ACSBG1: variants seen among roughly 807,000 people sequenced by gnomAD.
ACSBG1 encodes long-chain-fatty-acid--CoA ligase ACSBG1.
In ACSBG1, 39 loss-of-function variants were observed where a neutral mutation model predicts 80.2. That is an observed-to-expected ratio of 0.49 (90% CI 0.38 to 0.64). The LOEUF is 0.64. Among genes scored for constraint, ACSBG1 ranks in the 30% least tolerant of loss-of-function variants. ACSBG1 has a pLI of 0.00. For missense variants in ACSBG1, 828 were observed against 966.4 expected, an observed-to-expected ratio of 0.86 and a Z score of 1.90; for synonymous variants, 392 against 379.5, an observed-to-expected ratio of 1.03 and a Z score of -0.38.
intron 1 of ACSBG1, among the ~76,000 whole-genome samples, chr15:78,233,829 G>A (rs1350686699): frequency 1.3e-5 from 2 of 152,236 alleles, no homozygotes; most frequent in Admixed American, 1.3e-4. Flanking sequence ...ATTGGTGAAT[G>A]CCTGATACGT....
At chr15:78,184,588 G>C (rs936353431) in intron 5 of ACSBG1, among the ~76,000 whole-genome samples, 1 of 152,106 alleles carries the variant, frequency 6.6e-6, no homozygotes, top group Non-Finnish European at 1.5e-5. Context: ...TAAAATAAAA[G>C]AAATACAAGA....
At chr15:78,211,351 G>A (rs1009708779) in intron 1 of ACSBG1, among the ~76,000 whole-genome samples, 3 of 152,252 alleles carry the variant, frequency 2.0e-5, no homozygotes, top group African/African-American at 7.2e-5. Context: ...CAATACTCCA[G>A]AGGTTGGCGG....
chr15:78,188,063 C>A (rs1474946298), intron 5 of ACSBG1, among the ~76,000 whole-genome samples: 1 of 152,188 alleles, frequency 6.6e-6, no homozygotes, highest in African/African-American at 2.4e-5. Context: ...CATGCGTGAA[C>A]TCCCATTCAC....
At chr15:78,214,166 C>T (rs899671347) in intron 1 of ACSBG1, among the ~76,000 whole-genome samples, 3 of 152,206 alleles carry the variant, frequency 2.0e-5, no homozygotes, top group Non-Finnish European at 4.4e-5. Flanking sequence ...TCTACCTCCT[C>T]CTTCACTACA....
At chr15:78,181,897 AG>A (rs2074949037) in intron 8 of ACSBG1, 71 bp downstream of exon 8, 15 of 1,545,142 alleles carry the variant, frequency 9.7e-6, no homozygotes, top group Non-Finnish European at 1.2e-5. Context: ...AAATGCACTC[AG>A]GGCCCACAGA....
intron 1 of ACSBG1, among the ~76,000 whole-genome samples, chr15:78,227,954 G>GGTA (rs2075417118): frequency 6.6e-6 from 1 of 152,172 alleles, no homozygotes; most frequent in South Asian, 2.1e-4. Context: ...TCAGAACAGT[G>GGTA]GTTACTTATG....
chr15:78,191,195 T>C (rs979014998), intron 5 of ACSBG1, among the ~76,000 whole-genome samples: 1 of 152,216 alleles, frequency 6.6e-6, no homozygotes, highest in African/African-American at 2.4e-5. Context: ...CAAGGGTTAA[T>C]TTATCAAGAA....
chr15:78,194,144 T>C (rs1027512858), intron 3 of ACSBG1, 124 bp from the exon 4 acceptor site: 11 of 903,988 alleles, frequency 1.2e-5, no homozygotes, highest in Middle Eastern at 6.0e-4. Context: ...GTCCCCTCAG[T>C]CAGAGAATCC....
intron 1 of ACSBG1, among the ~76,000 whole-genome samples, chr15:78,229,258 A>G (rs568333778): frequency 3.1e-4 from 47 of 152,390 alleles, no homozygotes; most frequent in African/African-American, 1.1e-3. Context: ...AATTTTGAAT[A>G]AATGAATGCA....
rs543748491 is a variant in ACSBG1 at position 78,198,345 on chromosome 15, T to A, written c.233-3619A>T. On this transcript the variant is annotated intron_variant, in intron 2 of 13. Coordinates refer to ENST00000258873, the MANE Select transcript of ACSBG1 (RefSeq NM_015162.5). Reference sequence around the variant, plus strand: ...CGTGAGCCACCGTGCCCAGCCACTATAATCTCTTTTTTTGTTTTTGAGACA... The same window carrying A: ...CGTGAGCCACCGTGCCCAGCCACTAAAATCTCTTTTTTTGTTTTTGAGACA... Among the ~76,000 whole-genome samples, 4 of 137,554 alleles carry A rather than the reference T, an allele frequency of 2.9e-5. No individual in the cohort carries two copies. In the South Asian group the frequency reaches 9.4e-4, roughly 32 times the overall value. The allele number at this position is 137,554 out of a possible 152,430, so 90.2% of individuals were successfully genotyped here.
intron 5 of ACSBG1, 99 bp from the exon 6 acceptor site, chr15:78,182,884 C>A: frequency 7.6e-7 from 1 of 1,313,718 alleles, no homozygotes; most frequent in South Asian, 1.2e-5. Flanking sequence ...GTAAAGGTCT[C>A]TGGGTGCCCC....
intron 1 of ACSBG1, chr15:78,213,960 G>A (rs1421436628): frequency 6.6e-6 from 1 of 152,192 alleles, no homozygotes; most frequent in African/African-American, 2.4e-5. Flanking sequence ...AAAAGACAGA[G>A]CCAGCATTGT....
chr15:78,234,511 G>T lies in ACSBG1; in HGVS notation c.-10C>A. 1 of 1,608,650 alleles carries T rather than the reference G, an allele frequency of 6.2e-7. No homozygotes were observed. On this transcript the variant is annotated 5_prime_UTR_variant, in exon 1 of 14. Transcript: ENST00000258873. Reference sequence around the variant, plus strand: ...CAGAATTGCGTGGCATCTGCCTCGGGCTTCCACTGAAGACAGCTCAGTCAC... The same window carrying T: ...CAGAATTGCGTGGCATCTGCCTCGGTCTTCCACTGAAGACAGCTCAGTCAC...
intron 11 of ACSBG1, among the ~76,000 whole-genome samples, chr15:78,176,522 T>A (rs2074883958): frequency 6.6e-6 from 1 of 151,748 alleles, no homozygotes; most frequent in Non-Finnish European, 1.5e-5. Context: ...AGAAAAAAAA[T>A]TTTGCGGCAA....
At chr15:78,201,416 T>C (rs2141358739) in intron 2 of ACSBG1, among the ~76,000 whole-genome samples, 1 of 152,290 alleles carries the variant, frequency 6.6e-6, no homozygotes, top group African/African-American at 2.4e-5. Flanking sequence ...AGAGACAGGC[T>C]CACAGAGCGG....
chr15:78,233,273 G>T (rs1234873648), intron 1 of ACSBG1, among the ~76,000 whole-genome samples: 1 of 152,182 alleles, frequency 6.6e-6, no homozygotes, highest in Non-Finnish European at 1.5e-5. Context: ...GGGTTCTCTG[G>T]AGACCCAGGG....
At chr15:78,180,110 GTATT>G (rs2074926657) in intron 9 of ACSBG1, among the ~76,000 whole-genome samples, 3 of 152,312 alleles carry the variant, frequency 2.0e-5, no homozygotes, top group Admixed American at 6.5e-5. Flanking sequence ...CTTGAAGTAT[GTATT>G]CATGTATACA....
intron 2 of ACSBG1, among the ~76,000 whole-genome samples, chr15:78,199,626 CG>C (rs1242324505): frequency 6.6e-6 from 1 of 150,750 alleles, no homozygotes; most frequent in Non-Finnish European, 1.5e-5. Flanking sequence ...CACAAAGTAA[CG>C]GGGACCACAG....
intron 8 of ACSBG1, among the ~76,000 whole-genome samples, chr15:78,181,489 C>CTTTTTT (rs71145901): frequency 2.2e-4 from 18 of 83,034 alleles, no homozygotes; most frequent in Non-Finnish European, 2.7e-4. Context: ...CATCAGGTTT[C>CTTTTTT]TTTTTTTTTT....
Sources: allele counts gnomAD v4.1 joint callset (sites outside exome capture counted in the v4.1 genomes callset), GRCh38; gene constraint gnomAD v4.1.1; transcripts MANE v1.5; gene names NCBI Gene and HGNC (gene_info 2026-07-23, HGNC 2026-07-21).